TRPC5: variants seen among roughly 807,000 people sequenced by gnomAD.
TRPC5 encodes short transient receptor potential channel 5.
TRPC5 carries 9 observed loss-of-function variants against 56.5 expected under a neutral mutation model. That is an observed-to-expected ratio of 0.16 (90% CI 0.10 to 0.28). The LOEUF (loss-of-function observed/expected upper bound fraction) is 0.28. Among genes scored for constraint, TRPC5 ranks in the 10% least tolerant of loss-of-function variants. The pLI, the probability that TRPC5 is intolerant of heterozygous loss-of-function variation, is 1.00. For synonymous variants in TRPC5, 282 were observed against 278.5 expected (o/e 1.01, Z -0.13); for missense variants, 469 against 748.9 (o/e 0.63, Z 4.36).
intron 3 of TRPC5, chrX:111,903,984 A>G (rs1925490400): frequency 8.9e-6 from 1 of 112,215 alleles, no homozygotes; most frequent in Non-Finnish European, 1.9e-5. Flanking sequence ...TTCACAAATC[A>G]AAAAAACGTG....
chrX:111,806,884 T>A (rs778746705), intron 7 of TRPC5, among the ~76,000 whole-genome samples: 2 of 111,484 alleles, frequency 1.8e-5, no homozygotes, highest in Middle Eastern at 4.6e-3. Flanking sequence ...TTTTAAATAA[T>A]TCATGCTACT....
chrX:111,914,422 A>T (rs1020908214), intron 2 of TRPC5, among the ~76,000 whole-genome samples: 1 of 112,134 alleles, frequency 8.9e-6, no homozygotes, highest in Non-Finnish European at 1.9e-5. Context: ...TGGCGAACTG[A>T]CAAAGGGATG....
At chrX:111,791,810 AC>A (rs749723070) in intron 7 of TRPC5, among the ~76,000 whole-genome samples, 1 of 112,165 alleles carries the variant, frequency 8.9e-6, no homozygotes, top group East Asian at 2.8e-4. Flanking sequence ...TGGAAGTGAT[AC>A]CCTGTGAGGA....
chrX:111,991,347 C>T (rs12007650), intron 1 of TRPC5, among the ~76,000 whole-genome samples: 6,481 of 112,057 alleles, frequency 0.058, 201 homozygotes, highest in Middle Eastern at 0.12. Context: ...TCCCTGTACT[C>T]TTATGACTTA....
intron 6 of TRPC5, among the ~76,000 whole-genome samples, chrX:111,840,969 C>T (rs1438122537): frequency 9.0e-6 from 1 of 111,651 alleles, no homozygotes; most frequent in Non-Finnish European, 1.9e-5. Flanking sequence ...AAACACATAA[C>T]CAAGAAAAGT....
intron 1 of TRPC5, among the ~76,000 whole-genome samples, chrX:112,005,070 C>T (rs1293117439): frequency 2.7e-5 from 3 of 111,380 alleles, no homozygotes; most frequent in Admixed American, 9.6e-5. Flanking sequence ...TGAACATCTG[C>T]GTGCATGTGT....
intron 2 of TRPC5, among the ~76,000 whole-genome samples, chrX:111,944,303 T>TGTGTGTGTGTGA (rs1173179815): frequency 2.8e-4 from 17 of 61,321 alleles, no homozygotes; most frequent in African/African-American, 7.4e-4. Context: ...TGTGTGTGTG[T>TGTGTGTGTGTGA]GAGAGAGAGA....
intron 1 of TRPC5, among the ~76,000 whole-genome samples, chrX:112,009,300 C>T (rs1436515685): frequency 9.0e-6 from 1 of 111,599 alleles, no homozygotes; most frequent in Non-Finnish European, 1.9e-5. Context: ...TTATTTCCTC[C>T]TGTAGGGTCT....
At chrX:112,014,980 T>C (rs956695723) in intron 1 of TRPC5, among the ~76,000 whole-genome samples, 3 of 111,066 alleles carry the variant, frequency 2.7e-5, no homozygotes, top group African/African-American at 9.8e-5. Context: ...CATCCAATGT[T>C]GAAAACCACT....
intron 3 of TRPC5, among the ~76,000 whole-genome samples, chrX:111,911,031 T>C (rs1039906329): frequency 8.9e-6 from 1 of 112,883 alleles, no homozygotes; most frequent in African/African-American, 3.2e-5. Context: ...CTTCCTCCAG[T>C]ATAGCCCTTT....
chrX:111,893,736 C>T (rs1924922764), intron 3 of TRPC5, among the ~76,000 whole-genome samples: 1 of 111,744 alleles, frequency 8.9e-6, no homozygotes, highest in Non-Finnish European at 1.9e-5. Context: ...TCCTTTCTTT[C>T]TTGATAAATT....
chrX:111,815,697 G>A (rs1341244567), intron 7 of TRPC5, among the ~76,000 whole-genome samples: 1 of 109,836 alleles, frequency 9.1e-6, no homozygotes, highest in East Asian at 2.9e-4. Context: ...CTCCAGCCTG[G>A]GAGACAGAGA....
intron 7 of TRPC5, among the ~76,000 whole-genome samples, chrX:111,817,475 A>AG (rs1412823024): frequency 9.1e-6 from 1 of 109,453 alleles, no homozygotes; most frequent in Non-Finnish European, 1.9e-5. Flanking sequence ...CCAGGCGCCC[A>AG]TCACCACACC....
At chrX:111,900,568 G>A (rs1173312921) in intron 3 of TRPC5, among the ~76,000 whole-genome samples, 1 of 111,467 alleles carries the variant, frequency 9.0e-6, no homozygotes, top group Non-Finnish European at 1.9e-5. Flanking sequence ...TGGAATGAGA[G>A]GGGAGATAAT....
At chrX:111,941,785 A>C (rs1338605980) in intron 2 of TRPC5, among the ~76,000 whole-genome samples, 1 of 111,832 alleles carries the variant, frequency 8.9e-6, no homozygotes, top group Non-Finnish European at 1.9e-5. Context: ...TCTAGTCTCA[A>C]GATAGTGCTG....
rs191427872 is a variant in TRPC5 at position 111,873,738 on chromosome X, C to T, written c.901-19632G>A. Reference sequence around the variant, plus strand: ...GGCGGAGGTTGCAGTGAGCCGAGATCGCACCATTGCGCTGCAGCCTGGGCA... The same window carrying T: ...GGCGGAGGTTGCAGTGAGCCGAGATTGCACCATTGCGCTGCAGCCTGGGCA... On this transcript the variant is annotated intron_variant, in intron 3 of 10. Transcript: ENST00000262839. 5.3e-4 allele frequency among the ~76,000 whole-genome samples: 59 copies of T among 110,384 alleles called. 1 individual carries two copies. In the East Asian group the frequency reaches 8.3e-3, roughly 15 times the overall value.
rs1945875746 is a variant in TRPC5 at position 111,776,130 on chromosome X, TGAAAG to T, written c.*178_*182del. 2.4e-6 allele frequency: 1 copy of T among 416,144 alleles called. No homozygotes were observed. Among genetic ancestry groups the T allele is most frequent in the Non-Finnish European group, 3.9e-6 (1 of 255,291 alleles). 34.3% of individuals were successfully genotyped at this position (416,144 alleles called of 1,213,427 possible). ...TAGGTATTAAAAAGGCAAATAATAA[TGAAAG>T]TAATAATAAAACAAGAACAAAAATG... On this transcript the variant is annotated 3_prime_UTR_variant, in exon 11 of 11. Coordinates refer to ENST00000262839, the MANE Select transcript of TRPC5 (RefSeq NM_012471.3).
At chrX:111,961,899 T>A (rs759449020) in intron 1 of TRPC5, among the ~76,000 whole-genome samples, 1 of 112,022 alleles carries the variant, frequency 8.9e-6, no homozygotes, top group South Asian at 3.7e-4. Context: ...TGGAATAGTA[T>A]GTAGACATAA....
At chrX:111,962,136 G>A (rs557252001) in intron 1 of TRPC5, among the ~76,000 whole-genome samples, 1 of 111,341 alleles carries the variant, frequency 9.0e-6, no homozygotes, top group African/African-American at 3.3e-5. Flanking sequence ...ATCAGGTAGG[G>A]TTCACTATTT....
Sources: allele counts gnomAD v4.1 joint callset (sites outside exome capture counted in the v4.1 genomes callset), GRCh38; gene constraint gnomAD v4.1.1; transcripts MANE v1.5; gene names NCBI Gene and HGNC (gene_info 2026-07-23, HGNC 2026-07-21).